The following DCUN1D1 variants were observed in gnomAD, a reference collection of about 807,000 sequenced individuals.
DCUN1D1 encodes the protein defective in cullin neddylation 1 domain containing 1.
A neutral mutation model predicts 39.0 loss-of-function variants in DCUN1D1; 3 were observed. That is an observed-to-expected ratio of 0.08 (90% CI 0.04 to 0.20). The LOEUF (loss-of-function observed/expected upper bound fraction) is 0.20. DCUN1D1 is among the 10% of genes least tolerant of loss of function. The probability of loss-of-function intolerance (pLI) is 1.00; values close to 1 mark genes in which losing one functional copy is unlikely to be tolerated. For missense variants in DCUN1D1, 158 were observed against 302.4 expected, an observed-to-expected ratio of 0.52 and a Z score of 3.54; for synonymous variants, 82 against 96.3, an observed-to-expected ratio of 0.85 and a Z score of 0.87.
chr3:182,953,209 G>GCT (rs1211119508), intron 4 of DCUN1D1, among the ~76,000 whole-genome samples: 1 of 152,070 alleles, frequency 6.6e-6, no homozygotes, highest in Non-Finnish European at 1.5e-5. Context: ...GACTAAAGAT[G>GCT]CTCTTGACTC....
intron 1 of DCUN1D1, 32 bp downstream of exon 1, chr3:182,980,455 G>A (rs1264498519): frequency 2.7e-6 from 3 of 1,130,466 alleles, no homozygotes; most frequent in South Asian, 5.8e-5. Context: ...GCCCCCAGCC[G>A]GCAGGGCGGG....
rs530458998 is a variant in DCUN1D1 at position 182,943,456 on chromosome 3, A to T, written c.*1638T>A. 4 of 152,726 alleles carry T rather than the reference A, an allele frequency of 2.6e-5. No homozygotes were observed. Among genetic ancestry groups the T allele is most frequent in the Admixed American group, 1.3e-4 (2 of 15,302 alleles). 9.5% of individuals were successfully genotyped at this position (152,726 alleles called of 1,614,324 possible). On this transcript the variant is annotated 3_prime_UTR_variant, in exon 7 of 7. Transcript: ENST00000292782. ...TTAAAGTTATGATTGGAATATTAAT[A>T]TGTCTATAGGGAAAGCTTTCTAGTC...
intron 1 of DCUN1D1, among the ~76,000 whole-genome samples, chr3:182,975,682 T>TAA (rs56722976): frequency 3.3e-5 from 4 of 121,982 alleles, no homozygotes; most frequent in African/African-American, 6.5e-5. Flanking sequence ...CTTGCTGGGT[T>TAA]AAAAAAAAAA....
At chr3:182,974,773 A>AC (rs1487797230) in intron 1 of DCUN1D1, among the ~76,000 whole-genome samples, 1 of 151,840 alleles carries the variant, frequency 6.6e-6, no homozygotes, top group East Asian at 1.9e-4. Flanking sequence ...TAAAAAAAAA[A>AC]AAACTAAATC....
intron 1 of DCUN1D1, among the ~76,000 whole-genome samples, chr3:182,975,465 C>A (rs1319976826): frequency 1.3e-5 from 2 of 151,710 alleles, no homozygotes; most frequent in Admixed American, 6.6e-5. Flanking sequence ...TGTGAGCCAC[C>A]GCGCCCAGCC....
At position 182,941,799 on chromosome 3, in the gene DCUN1D1, C is replaced by G. The variant is rs149345486; in HGVS notation, c.*3295G>C. 2.7e-3 allele frequency: 414 copies of G among 152,110 alleles called. 4 individuals carry two copies. The highest frequency in any genetic ancestry group is 9.6e-3 in the African/African-American group (397 of 41,534). 9.4% of individuals were successfully genotyped at this position (152,110 alleles called of 1,614,324 possible). A position where few individuals can be genotyped will look rare whatever the true frequency, so the allele number is the denominator to read the frequency against. On this transcript the variant is annotated 3_prime_UTR_variant, in exon 7 of 7. Transcript: ENST00000292782. ...ACTTTGTGAACCATGGTGAATTTCCCCAGCACCACTTTTTTATTCCAAAAC... is the reference window on the plus strand; with the variant it reads ...ACTTTGTGAACCATGGTGAATTTCCGCAGCACCACTTTTTTATTCCAAAAC...
rs1726275970 is a variant in DCUN1D1, at chr3:182,944,153, A to G, written c.*941T>C. 1 of 152,646 alleles carries G rather than the reference A, an allele frequency of 6.6e-6. No homozygotes were observed. The highest frequency in any genetic ancestry group is 1.5e-5 in the Non-Finnish European group (1 of 68,030). The allele number at this position is 152,646 out of a possible 1,614,324, so 9.5% of individuals were successfully genotyped here. ...GTGTTCCATAGTGCGATGACAAAAA[A>G]AAAGTAAAAACAAAACAAAAAAACC... On this transcript the variant is annotated 3_prime_UTR_variant, in exon 7 of 7. Transcript: ENST00000292782.
intron 4 of DCUN1D1, among the ~76,000 whole-genome samples, chr3:182,958,958 A>G (rs1448516847): frequency 1.3e-5 from 2 of 152,230 alleles, no homozygotes; most frequent in Non-Finnish European, 1.5e-5. Flanking sequence ...GTCCCTTTAA[A>G]TCAACATTTG....
chr3:182,962,875 G>A (rs936079006), intron 3 of DCUN1D1, among the ~76,000 whole-genome samples: 1 of 152,116 alleles, frequency 6.6e-6, no homozygotes, highest in African/African-American at 2.4e-5. Context: ...CCGCCTCCCG[G>A]GTTCAAGCGA....
chr3:182,980,104 A>G, intron 1 of DCUN1D1: 2 of 946,296 alleles, frequency 2.1e-6, no homozygotes, highest in Non-Finnish European at 2.5e-6. Context: ...GTCCCCGACC[A>G]GACACAATGG....
intron 1 of DCUN1D1, among the ~76,000 whole-genome samples, chr3:182,975,851 T>TG (rs1553845581): frequency 1.5e-5 from 1 of 66,818 alleles, no homozygotes; most frequent in African/African-American, 6.0e-5. Context: ...CCAGATATGC[T>TG]AAAAAAAAAA....
chr3:182,959,100 CA>C (rs1412466765), intron 4 of DCUN1D1, among the ~76,000 whole-genome samples: 5 of 152,020 alleles, frequency 3.3e-5, no homozygotes, highest in African/African-American at 9.6e-5. Flanking sequence ...AAGAGAAAAA[CA>C]GAAAAAACAT....
At position 182,942,403 on chromosome 3, in the gene DCUN1D1, G is replaced by A. The variant is rs900854811; in HGVS notation, c.*2691C>T. ...CACTGCAGCTTTTATTGCCTCTGTTGGTAATATGACAGGGACTGTAAGAAA... is the reference window on the plus strand; with the variant it reads ...CACTGCAGCTTTTATTGCCTCTGTTAGTAATATGACAGGGACTGTAAGAAA... On this transcript the variant is annotated 3_prime_UTR_variant, in exon 7 of 7. Transcript: ENST00000292782. 38 of 152,004 alleles carry A rather than the reference G, an allele frequency of 2.5e-4. No individual in the cohort carries two copies. The highest frequency in any genetic ancestry group is 4.6e-4 in the Non-Finnish European group (31 of 67,978). 9.4% of individuals were successfully genotyped at this position (152,004 alleles called of 1,614,324 possible).
intron 4 of DCUN1D1, chr3:182,955,642 G>A: frequency 1.5e-5 from 6 of 406,366 alleles, no homozygotes; most frequent in South Asian, 1.1e-4. Context: ...GGAGTGCAGT[G>A]GTGCGATCTC....
intron 2 of DCUN1D1, 80 bp from the exon 3 acceptor site, chr3:182,964,129 T>C: frequency 1.6e-6 from 2 of 1,214,776 alleles, no homozygotes; most frequent in African/African-American, 1.5e-5. Context: ...ATGCTTTATA[T>C]GCCATTTTTT....
intron 1 of DCUN1D1, chr3:182,980,193 C>CCCGGCAAGGGGCA: frequency 2.1e-6 from 1 of 468,698 alleles, no homozygotes; most frequent in Non-Finnish European, 2.8e-6. Flanking sequence ...CGCGCCGGGC[C>CCCGGCAAGGGGCA]CCGGCAAGGG....
chr3:182,973,444 T>C (rs756040358), intron 1 of DCUN1D1, among the ~76,000 whole-genome samples: 1 of 152,206 alleles, frequency 6.6e-6, no homozygotes, highest in Non-Finnish European at 1.5e-5. Context: ...TACTACTAAG[T>C]CCAGTAGGAA....
rs1726173581 is a variant in DCUN1D1, at chr3:182,942,294, C to G, written c.*2800G>C. 3.3e-5 allele frequency: 5 copies of G among 151,988 alleles called. No homozygotes were observed. The highest frequency in any genetic ancestry group is 7.4e-5 in the Non-Finnish European group (5 of 67,980). 9.4% of individuals were successfully genotyped at this position (151,988 alleles called of 1,614,324 possible). A position where few individuals can be genotyped will look rare whatever the true frequency, so the allele number is the denominator to read the frequency against. Reference sequence around the variant, plus strand: ...AATGCTCTTTCCATGAATAATTATTCTTCCTAGAAAAGTTTTCAGGTATAT... The same window carrying G: ...AATGCTCTTTCCATGAATAATTATTGTTCCTAGAAAAGTTTTCAGGTATAT... On this transcript the variant is annotated 3_prime_UTR_variant, in exon 7 of 7. Transcript: ENST00000292782.
At chr3:182,972,050 GTTTT>G (rs397877483) in intron 1 of DCUN1D1, among the ~76,000 whole-genome samples, 10 of 108,862 alleles carry the variant, frequency 9.2e-5, no homozygotes, top group South Asian at 3.4e-4. Flanking sequence ...TCTATTTAGG[GTTTT>G]TTTTTTTTTT....
Sources: allele counts gnomAD v4.1 joint callset (sites outside exome capture counted in the v4.1 genomes callset), GRCh38; gene constraint gnomAD v4.1.1; transcripts MANE v1.5; gene names NCBI Gene and HGNC (gene_info 2026-07-23, HGNC 2026-07-21).